The following XKR9 variants were observed in gnomAD, a reference collection of about 807,000 sequenced individuals.
The protein encoded by XKR9 is XK-related protein 9.
Under a neutral mutation model 32.0 loss-of-function variants are expected in XKR9, and 32 were observed. The observed-to-expected ratio is 1.00, with a 90% CI of 0.76 to 1.34. XKR9 has a LOEUF of 1.34. Among genes scored for constraint, XKR9 ranks in the 40% most tolerant of loss-of-function variants. XKR9 has a pLI of 0.00. For synonymous variants in XKR9, 168 were observed against 143.4 expected (o/e 1.17, Z -1.22); for missense variants, 546 against 429.7 (o/e 1.27, Z -2.39).
chr8:70,998,539 G>A, the XKR9 span, among the ~76,000 whole-genome samples: 1,002 of 152,320 alleles, frequency 6.6e-3, 9 homozygotes, highest in African/African-American at 0.023. Context: ...GTGGGTCGGA[G>A]TCAGATGCAA....
At chr8:71,056,007 A>T in the XKR9 span, among the ~76,000 whole-genome samples, 1 of 152,292 alleles carries the variant, frequency 6.6e-6, no homozygotes, top group Non-Finnish European at 1.5e-5. Context: ...TGCATTTGAC[A>T]CTTGGAACTC....
At chr8:70,910,613 C>T in the XKR9 span, among the ~76,000 whole-genome samples, 1 of 152,212 alleles carries the variant, frequency 6.6e-6, no homozygotes, top group African/African-American at 2.4e-5. Context: ...AACTCAGGAA[C>T]AAGCCTCTAT....
rs368212186 is a variant in XKR9 at position 70,733,961 on chromosome 8, T to G, written c.659T>G (p.Val220Gly). 8.7e-5 allele frequency: 141 copies of G among 1,612,820 alleles called. No individual in the cohort carries two copies. The highest frequency in any genetic ancestry group is 1.1e-4 in the Non-Finnish European group (133 of 1,179,680). ...LFTLLSWMLS[V>G]VLLLFLNVKI... is the part of the protein sequence containing the mutation. ...ACATTATTATCGTGGATGCTGAGTG[T>G]TGTACTTCTACTATTCTTAAATGTT... The change falls in exon 5 of 5, where the codon GTT becomes GGT. Residue 220 changes from valine (V) to glycine (G), a missense_variant. Physicochemically the swap from Val to Gly is moderately radical, Grantham distance 109 (BLOSUM62 -3). Coordinates refer to ENST00000408926, the MANE Select transcript of XKR9 (RefSeq NM_001011720.2).
chr8:70,974,547 C>G, the XKR9 span, among the ~76,000 whole-genome samples: 1 of 152,162 alleles, frequency 6.6e-6, no homozygotes, highest in South Asian at 2.1e-4. Flanking sequence ...CCAGCTTCGT[C>G]CATGTCCCTA....
intron 4 of XKR9, among the ~76,000 whole-genome samples, chr8:70,730,864 T>G (rs2132237527): frequency 6.6e-6 from 1 of 152,326 alleles, no homozygotes; most frequent in South Asian, 2.1e-4. Flanking sequence ...GCAGAGGCTC[T>G]TAACTGCTCA....
chr8:70,811,310 T>A, the XKR9 span, among the ~76,000 whole-genome samples: 2 of 152,156 alleles, frequency 1.3e-5, no homozygotes, highest in African/African-American at 4.8e-5. Context: ...GGGAAATTTA[T>A]AGCACTAAAT....
chr8:70,831,146 C>T, the XKR9 span, among the ~76,000 whole-genome samples: 1 of 152,024 alleles, frequency 6.6e-6, no homozygotes, highest in Non-Finnish European at 1.5e-5. Context: ...CGAAAATTAG[C>T]CGGATGTGGT....
downstream of XKR9, among the ~76,000 whole-genome samples, chr8:70,738,226 A>G (rs1164306504): frequency 7.2e-6 from 1 of 138,404 alleles, no homozygotes; most frequent in African/African-American, 2.6e-5. Flanking sequence ...GAATTTATCC[A>G]TTTCTTCTAG....
intron 3 of XKR9, among the ~76,000 whole-genome samples, chr8:70,699,013 C>T (rs1001205971): frequency 6.6e-5 from 10 of 152,062 alleles, no homozygotes; most frequent in African/African-American, 2.4e-4. Flanking sequence ...GCAACCCCTG[C>T]CTTTTTTGTT....
chr8:70,856,965 G>T, the XKR9 span, among the ~76,000 whole-genome samples: 15 of 152,062 alleles, frequency 9.9e-5, no homozygotes, highest in Admixed American at 6.6e-4. Flanking sequence ...GTGGGACACA[G>T]TCAAAGCAGT....
At chr8:70,968,224 G>A in the XKR9 span, among the ~76,000 whole-genome samples, 1 of 152,104 alleles carries the variant, frequency 6.6e-6, no homozygotes. Flanking sequence ...CATTTGGTCT[G>A]TTCTGCTGTT....
chr8:70,965,138 T>C, the XKR9 span, among the ~76,000 whole-genome samples: 1 of 152,218 alleles, frequency 6.6e-6, no homozygotes, highest in African/African-American at 2.4e-5. Flanking sequence ...CCTAGTATAT[T>C]GAGAGTTTTT....
chr8:70,855,494 C>T, the XKR9 span, among the ~76,000 whole-genome samples: 8 of 152,220 alleles, frequency 5.3e-5, no homozygotes, highest in African/African-American at 1.4e-4. Context: ...ACCAAATCTA[C>T]GTCTGATTGG....
Position 70,734,446 on chromosome 8 carries a change from T to C in XKR9, c.*22T>C, listed in dbSNP as rs762887719. The C allele has an allele frequency of 2.0e-6, 3 of 1,474,380 alleles. No homozygotes were observed. Among genetic ancestry groups the C allele is most frequent in the Non-Finnish European group, 2.7e-6 (3 of 1,123,722 alleles). 91.3% of individuals were successfully genotyped at this position (1,474,380 alleles called of 1,614,324 possible). ...ATAAGCTATTCATTTATGATATATA[T>C]TTTCTTATATTTTGTTTCATTGGTT... is the stretch of plus-strand genomic sequence containing the variant. On this transcript the variant is annotated 3_prime_UTR_variant, in exon 5 of 5. Coordinates refer to ENST00000408926, the MANE Select transcript of XKR9 (RefSeq NM_001011720.2).
chr8:71,012,990 G>C, the XKR9 span, among the ~76,000 whole-genome samples: 1 of 152,240 alleles, frequency 6.6e-6, no homozygotes, highest in African/African-American at 2.4e-5. Flanking sequence ...TTTTATTCTA[G>C]TCTCTGCTTG....
Position 70,706,933 on chromosome 8 carries a change from G to T in XKR9, c.273G>T (p.Arg91Ser), listed in dbSNP as rs140607007. Reference sequence around the variant, plus strand: ...AGAAATGTTTATGTTTACTTTATAGGTATTGGTTTGCCTTAAAAAGGGGTT... The same window carrying T: ...AGAAATGTTTATGTTTACTTTATAGTTATTGGTTTGCCTTAAAAAGGGGTT... ...LHCLQGGVFT[R>S]YWFALKRGYH... The change falls in exon 4 of 5, where the codon AGG becomes AGT. Residue 91 changes from arginine to serine, a missense_variant and splice_region_variant. Arg to Ser is a moderately radical substitution (Grantham distance 110, BLOSUM62 -1). Transcript: ENST00000408926. 1,828 of 1,607,428 alleles carry T rather than the reference G, an allele frequency of 1.1e-3. 2 individuals carry two copies. The highest frequency in any genetic ancestry group is 1.5e-3 in the Non-Finnish European group (1,759 of 1,175,104).
the XKR9 span, among the ~76,000 whole-genome samples, chr8:71,032,293 A>AC: frequency 2.0e-5 from 3 of 150,710 alleles, no homozygotes; most frequent in South Asian, 2.1e-4. Flanking sequence ...AAAAAAAAAA[A>AC]AAAAAAAAAA....
intron 4 of XKR9, among the ~76,000 whole-genome samples, chr8:70,730,851 C>CT (rs1344856687): frequency 6.6e-6 from 1 of 152,206 alleles, no homozygotes; most frequent in Non-Finnish European, 1.5e-5. Flanking sequence ...CAATTTCAAG[C>CT]TTGCAGAGGC....
chr8:70,980,651 A>G, the XKR9 span, among the ~76,000 whole-genome samples: 947 of 152,278 alleles, frequency 6.2e-3, 8 homozygotes, highest in African/African-American at 0.018. Context: ...GATGTGAGGT[A>G]CTATTCTATT....
Sources: allele counts gnomAD v4.1 joint callset (sites outside exome capture counted in the v4.1 genomes callset), GRCh38; gene constraint gnomAD v4.1.1; transcripts MANE v1.5; gene names NCBI Gene and HGNC (gene_info 2026-07-23, HGNC 2026-07-21).